The following ARAP2 variants were observed in gnomAD, a reference collection of about 807,000 sequenced individuals.
ARAP2 encodes ArfGAP with RhoGAP domain, ankyrin repeat and PH domain 2.
Under a neutral mutation model 194.5 loss-of-function variants are expected in ARAP2, and 148 were observed. The ratio of observed to expected loss-of-function variants is 0.76; its 90% CI spans 0.67 to 0.87. ARAP2 has a LOEUF of 0.87. ARAP2 is among the 40% of genes least tolerant of loss of function. The probability of loss-of-function intolerance (pLI) is 0.00; values close to 1 mark genes in which losing one functional copy is unlikely to be tolerated. For missense variants in ARAP2, 2,128 were observed against 1,989.7 expected (o/e 1.07, Z -1.32); for synonymous variants, 695 against 683.5 (o/e 1.02, Z -0.26).
At chr4:36,118,054 G>C (rs1438849884) in intron 24 of ARAP2, among the ~76,000 whole-genome samples, 1 of 151,434 alleles carries the variant, frequency 6.6e-6, no homozygotes, top group East Asian at 2.0e-4. Flanking sequence ...AAAATCTAAT[G>C]AGTAAACTTG....
At chr4:36,210,328 A>C in intron 6 of ARAP2, 62 bp downstream of exon 6, 1 of 1,451,458 alleles carries the variant, frequency 6.9e-7, no homozygotes, top group Non-Finnish European at 9.3e-7. Context: ...GGAGGTTTAG[A>C]AATGAATAAA....
intron 31 of ARAP2, 40 bp from the exon 32 acceptor site, chr4:36,073,863 A>C (rs929120924): frequency 6.2e-7 from 1 of 1,609,920 alleles, no homozygotes; most frequent in Admixed American, 1.7e-5. Context: ...GTGTGATTTT[A>C]TTATGTGGTA....
At chr4:36,216,618 A>T (rs1352193609) in intron 2 of ARAP2, among the ~76,000 whole-genome samples, 1 of 152,236 alleles carries the variant, frequency 6.6e-6, no homozygotes, top group East Asian at 1.9e-4. Context: ...AAATGGTCAC[A>T]GCAGATTTAT....
chr4:36,228,437 G>A (rs575389694), intron 2 of ARAP2, 145 bp downstream of exon 2: 1 of 837,312 alleles, frequency 1.2e-6, no homozygotes. Flanking sequence ...ATGGGATGAA[G>A]ACTTTTTTTT....
At position 36,110,529 on chromosome 4, in the gene ARAP2, T is replaced by C. The variant is rs374190824; in HGVS notation, c.4157-2836A>G. ...AACCTAGAAGGTAAAGGGGTCTACA[T>C]TGGCAGAGGATGGGTTCGGATTTAA... is the stretch of plus-strand genomic sequence containing the variant. On this transcript the variant is annotated intron_variant, in intron 26 of 32. Transcript: ENST00000303965. 1.6e-4 allele frequency among the ~76,000 whole-genome samples: 24 copies of C among 152,046 alleles called. No individual in the cohort carries two copies. In the South Asian group the frequency reaches 1.7e-3, roughly 10 times the overall value.
At chr4:36,048,316 T>C (rs1270886652) in intron 3 of ARAP2, among the ~76,000 whole-genome samples, 1 of 152,182 alleles carries the variant, frequency 6.6e-6, no homozygotes, top group Non-Finnish European at 1.5e-5. Context: ...GCAGTTTAGG[T>C]TATGAATTAT....
intron 5 of ARAP2, among the ~76,000 whole-genome samples, chr4:36,022,456 G>A (rs1717147661): frequency 1.3e-5 from 2 of 152,142 alleles, no homozygotes; most frequent in Non-Finnish European, 2.9e-5. Context: ...TGCTTTCAGC[G>A]AGCGGGGAGT....
Position 36,150,976 on chromosome 4 carries a change from T to TG in ARAP2, c.2820dup (p.Thr941HisfsTer3). 6.2e-7 allele frequency: 1 copy of TG among 1,612,690 alleles called. No homozygotes were observed. Among genetic ancestry groups the TG allele is most frequent in the Non-Finnish European group, 8.5e-7 (1 of 1,179,278 alleles). On this transcript the variant is annotated frameshift_variant, in exon 16 of 33. Transcript: ENST00000303965. LOFTEE classifies it high-confidence loss of function. ...TTGATATTAATGGTGCCATTAGGTG[T>TG]GGTAGACTTATCATTTTCATAGTAA...
At chr4:36,005,951 G>A (rs1560248860) in intron 10 of ARAP2, 1 of 152,198 alleles carries the variant, frequency 6.6e-6, no homozygotes, top group Non-Finnish European at 1.5e-5. Context: ...GAAACCATTT[G>A]ATGCAACTAG....
intron 22 of ARAP2, among the ~76,000 whole-genome samples, chr4:36,122,608 T>C (rs1298999386): frequency 6.6e-6 from 1 of 150,860 alleles, no homozygotes; most frequent in African/African-American, 2.4e-5. Context: ...TAATGGAGGG[T>C]GAAGAGTGGG....
intron 6 of ARAP2, among the ~76,000 whole-genome samples, chr4:36,017,008 G>A (rs533467390): frequency 6.6e-6 from 1 of 152,156 alleles, no homozygotes; most frequent in African/African-American, 2.4e-5. Flanking sequence ...TTAAAGGTCA[G>A]ATTGTGTCAA....
chr4:36,123,288 T>C (rs1035812181), intron 22 of ARAP2, among the ~76,000 whole-genome samples: 21 of 151,848 alleles, frequency 1.4e-4, no homozygotes, highest in South Asian at 6.2e-4. Flanking sequence ...TAAGAGGATA[T>C]TACTGATGGA....
chr4:36,034,815 T>C (rs1719636756), intron 5 of ARAP2, among the ~76,000 whole-genome samples: 1 of 152,200 alleles, frequency 6.6e-6, no homozygotes, highest in Admixed American at 6.5e-5. Context: ...TTGAATGTTA[T>C]CGAAAACCTT....
intron 6 of ARAP2, among the ~76,000 whole-genome samples, chr4:36,208,102 T>C (rs1475216162): frequency 6.6e-6 from 1 of 152,182 alleles, no homozygotes; most frequent in Admixed American, 6.5e-5. Context: ...CTGTAAGCCC[T>C]GTAGAAGAAA....
chr4:36,234,622 G>A (rs944207061), intron 1 of ARAP2, among the ~76,000 whole-genome samples: 4 of 152,080 alleles, frequency 2.6e-5, no homozygotes, highest in Non-Finnish European at 4.4e-5. Flanking sequence ...TTATTATCTT[G>A]TGTATTTAAC....
At position 36,206,579 on chromosome 4, in the gene ARAP2, G is replaced by A. The variant is rs574603386; in HGVS notation, c.1487+3811C>T. Among the ~76,000 whole-genome samples the A allele has an allele frequency of 3.0e-3, 454 of 152,324 alleles. 1 individual carries two copies. The highest frequency in any genetic ancestry group is 5.1e-3 in the Non-Finnish European group (345 of 68,026). Reference sequence around the variant, plus strand: ...TTCAACTGCTACCCTCTCCTTCCAGGAAGGTCTTTGAAGAAATGCTTTCTC... The same window carrying A: ...TTCAACTGCTACCCTCTCCTTCCAGAAAGGTCTTTGAAGAAATGCTTTCTC... On this transcript the variant is annotated intron_variant, in intron 6 of 32. Transcript: ENST00000303965.
chr4:36,223,437 C>G (rs770614764), intron 2 of ARAP2, among the ~76,000 whole-genome samples: 1 of 152,030 alleles, frequency 6.6e-6, no homozygotes, highest in Non-Finnish European at 1.5e-5. Flanking sequence ...CTACTATAAA[C>G]AGTCGTTGCC....
chr4:36,098,335 C>T lies in ARAP2; in HGVS notation c.4286-6315G>A, dbSNP rs373924765. Among the ~76,000 whole-genome samples the T allele has an allele frequency of 2.7e-4, 41 of 152,224 alleles. No individual in the cohort carries two copies. The South Asian group carries it at 7.9e-3, about 29-fold the overall frequency. ...TTCCACTTCATTCCCATTGTTATCA[C>T]CCTACACACTTCCTTTTCTCTCTAA... On this transcript the variant is annotated intron_variant, in intron 27 of 32. Transcript: ENST00000303965.
At chr4:36,176,408 T>G (rs188706784) in intron 9 of ARAP2, among the ~76,000 whole-genome samples, 29 of 152,280 alleles carry the variant, frequency 1.9e-4, no homozygotes, top group Non-Finnish European at 3.7e-4. Context: ...AATAAAACTT[T>G]TAAAATATTT....
Sources: gnomAD v4.1 joint callset for allele counts (sites outside exome capture counted in the v4.1 genomes callset) on GRCh38, gnomAD v4.1.1 for gene constraint, MANE v1.5 for transcripts, NCBI Gene and HGNC (gene_info 2026-07-23, HGNC 2026-07-21) for gene names.